The following WRAP53 variants were observed in gnomAD, a reference collection of about 807,000 sequenced individuals.
WRAP53 encodes the protein WD repeat containing antisense to TP53.
WRAP53 carries 28 observed loss-of-function variants against 56.6 expected under a neutral mutation model. That is an observed-to-expected ratio of 0.50 (90% CI 0.37 to 0.68). WRAP53 has a LOEUF of 0.68. Ranked by LOEUF, WRAP53 falls within the 30% of genes least tolerant of loss-of-function variation. The pLI is 0.00. For synonymous variants in WRAP53, 283 were observed against 283.4 expected, an observed-to-expected ratio of 1.00 and a Z score of 0.01; for missense variants, 671 against 715.5, an observed-to-expected ratio of 0.94 and a Z score of 0.71.
rs937718476 is a variant in WRAP53, at chr17:7,689,310, A to G, written c.518A>G (p.Lys173Arg). The change falls in exon 3 of 11, where the codon AAA becomes AGA. Residue 173 changes from lysine (K) to arginine (R), a missense_variant. Physicochemically the swap from Lys to Arg is conservative, Grantham distance 26. This residue lies in a region of WRAP53 where 406 missense variants were observed against 418.5 expected (regional missense o/e 0.97). Transcript: ENST00000396463. Reference sequence around the variant, plus strand: ...AGCACCCAACCTGAGAACTTCTTGAAAGGCTGTAAGTGGTAAGGATAACAA... The same window carrying G: ...AGCACCCAACCTGAGAACTTCTTGAGAGGCTGTAAGTGGTAAGGATAACAA... Reference protein sequence around the residue: ...EFSTQPENFLKGCKWAPDGSC... With the variant: ...EFSTQPENFLRGCKWAPDGSC... The G allele has an allele frequency of 2.5e-6, 4 of 1,613,828 alleles. No individual in the cohort carries two copies. The African/African-American group carries it at 5.3e-5, about 22-fold the overall frequency.
intron 4 of WRAP53, among the ~76,000 whole-genome samples, chr17:7,690,216 G>A (rs974345626): frequency 6.6e-6 from 1 of 152,180 alleles, no homozygotes. Context: ...CCCAAAGTGC[G>A]GGGATCACAG....
intron 4 of WRAP53, among the ~76,000 whole-genome samples, chr17:7,696,030 G>A (rs1265063277): frequency 6.6e-6 from 1 of 152,110 alleles, no homozygotes; most frequent in East Asian, 1.9e-4. Flanking sequence ...TGACGGAAGG[G>A]GAGTGAGGAG....
In WRAP53 at chr17:7,688,976, A is replaced by C; in HGVS notation, c.328A>C (p.Asn110His). 6.2e-7 allele frequency: 1 copy of C among 1,614,180 alleles called. No individual in the cohort carries two copies. The highest frequency in any genetic ancestry group is 1.1e-5 in the South Asian group (1 of 91,084). ...TACAAGCCTTCCTGCAGAAGAAGCA[A>C]ACGGGAGCCTTTCTGAAGAAGAAGC... ...ENTSLPAEEA[N>H]GSLSEEEANG... Residue 110 changes from asparagine (N) to histidine (H), a missense_variant, in exon 2 of 11, where the codon AAC becomes CAC. This residue lies in a region of WRAP53 where 406 missense variants were observed against 418.5 expected (regional missense o/e 0.97). Transcript: ENST00000396463.
chr17:7,698,335 G>A (rs1161503385), intron 4 of WRAP53, among the ~76,000 whole-genome samples: 1 of 152,058 alleles, frequency 6.6e-6, no homozygotes, highest in Non-Finnish European at 1.5e-5. Flanking sequence ...ATATTCATGA[G>A]TAGAGTACTA....
At chr17:7,699,475 TTTATATA>T (rs1567577365) in intron 4 of WRAP53, among the ~76,000 whole-genome samples, 6 of 9,056 alleles carry the variant, frequency 6.6e-4, no homozygotes, top group African/African-American at 3.8e-3. Flanking sequence ...TATATATATA[TTTATATA>T]TATATATATA....
chr17:7,696,368 G>T (rs1203534311), intron 4 of WRAP53, among the ~76,000 whole-genome samples: 1 of 144,534 alleles, frequency 6.9e-6, no homozygotes, highest in Non-Finnish European at 1.5e-5. Context: ...GCGCGATCTG[G>T]GTTCACTGCA....
chr17:7,689,678 G>T lies in WRAP53; in HGVS notation c.619G>T (p.Glu207Ter). 6.2e-7 allele frequency: 1 copy of T among 1,614,120 alleles called. No individual in the cohort carries two copies. The highest frequency in any genetic ancestry group is 8.5e-7 in the Non-Finnish European group (1 of 1,179,968). Residue 207 changes from glutamate (E) to a stop codon, truncating the protein, a stop_gained, in exon 4 of 11, where the codon GAG becomes TAG. Transcript: ENST00000396463. LOFTEE classifies it high-confidence loss of function. ...NLPPELYHEG[E>*]QVEYAEMVPV... is the part of the protein sequence containing the mutation. ...GCCCCCAGAGCTGTACCATGAGGGG[G>T]AGCAGGTGGAATATGCAGAAATGGT... is the stretch of plus-strand genomic sequence containing the variant.
chr17:7,699,502 T>TTATATATATATATATATATATATATTTA (rs1172959796), intron 4 of WRAP53, among the ~76,000 whole-genome samples: 1 of 11,764 alleles, frequency 8.5e-5, no homozygotes, highest in South Asian at 2.7e-3. Context: ...ATATATATAT[T>TTATATATATATATATATATATATATTTA]TATATATATA....
At position 7,702,399 on chromosome 17, in the gene WRAP53, GC is replaced by G; in HGVS notation, c.1015del (p.Leu339SerfsTer73). 6.2e-7 allele frequency: 1 copy of G among 1,614,162 alleles called. No individual in the cohort carries two copies. Among genetic ancestry groups the G allele is most frequent in the Non-Finnish European group, 8.5e-7 (1 of 1,180,028 alleles). ...CCTGCATAGCCTTCAGCCCAGCCCA[GC>G]CCCTCTATGCCTGTGGCTCCTACGG... is the stretch of plus-strand genomic sequence containing the variant. ...ISCIAFSPAQ[P>X]LYACGSYGRS... On this transcript the variant is annotated frameshift_variant, in exon 8 of 11. Transcript: ENST00000396463. LOFTEE classifies it high-confidence loss of function. The surrounding 1 kb of genome is among the most constrained non-coding windows in gnomAD (Gnocchi z 5.0).
In WRAP53 at chr17:7,699,494, ATATATATT is replaced by A. The variant is rs1449356688; in HGVS notation, c.643-1239_643-1232del. 1.7e-3 allele frequency among the ~76,000 whole-genome samples: 20 copies of A among 11,654 alleles called. 2 individuals are homozygous for A. The highest frequency in any genetic ancestry group is 6.1e-3 in the South Asian group (2 of 328). The allele number at this position is 11,654 out of a possible 152,430, so 7.6% of individuals were successfully genotyped here. A position where few individuals can be genotyped will look rare whatever the true frequency, so the allele number is the denominator to read the frequency against. Reference sequence around the variant, plus strand: ...TATATATTTATATATATATATATATATATATATTTATATATATATATATATATTTATAT... The same window carrying A: ...TATATATTTATATATATATATATATATATATATATATATATATATTTATAT... On this transcript the variant is annotated intron_variant, in intron 4 of 10. Transcript: ENST00000396463.
At chr17:7,691,846 T>A (rs2074114803) in intron 4 of WRAP53, among the ~76,000 whole-genome samples, 1 of 150,986 alleles carries the variant, frequency 6.6e-6, no homozygotes, top group Admixed American at 6.6e-5. Context: ...TTTTTTTGTT[T>A]GTTTGTTTGA....
chr17:7,702,044 T>TA lies in WRAP53; in HGVS notation c.955+255_955+256insA, dbSNP rs2074282774. ...TGTCAGCTGTGGAGCTTTTGGTCTCTGAAATCTTTCTAGAAAATTGTTGAT... is the reference window on the plus strand; with the variant it reads ...TGTCAGCTGTGGAGCTTTTGGTCTCTAGAAATCTTTCTAGAAAATTGTTGAT... On this transcript the variant is annotated intron_variant, in intron 7 of 10. Coordinates refer to ENST00000396463, the MANE Select transcript of WRAP53 (RefSeq NM_001143992.2). The surrounding 1 kb of genome is among the most constrained non-coding windows in gnomAD (Gnocchi z 5.0). The TA allele has an allele frequency of 1.4e-6, 1 of 740,360 alleles. No homozygotes were observed. The highest frequency in any genetic ancestry group is 1.7e-5 in the African/African-American group (1 of 57,798). The allele number at this position is 740,360 out of a possible 1,614,324, so 45.9% of individuals were successfully genotyped here.
chr17:7,703,483 A>G lies in WRAP53; in HGVS notation c.1644A>G (p.Ile548Met), dbSNP rs1462713639. The G allele has an allele frequency of 1.2e-6, 2 of 1,607,620 alleles. No individual in the cohort carries two copies. Among genetic ancestry groups the G allele is most frequent in the Admixed American group, 1.7e-5 (1 of 59,700 alleles). The change falls in exon 11 of 11, where the codon ATA (isoleucine) becomes ATG (methionine). Residue 548 changes from isoleucine (I) to methionine (M), a missense_variant. Physicochemically the swap from Ile to Met is conservative, Grantham distance 10. Coordinates refer to ENST00000396463, the MANE Select transcript of WRAP53 (RefSeq NM_001143992.2). Reference sequence around the variant, plus strand: ...CGGAGGGAGGTGTGGGTGAGCTGATATAAAAAGGTTTTTATGATACTAGAG... The same window carrying G: ...CGGAGGGAGGTGTGGGTGAGCTGATGTAAAAAGGTTTTTATGATACTAGAG... ...GGTEGGVGEL[I>M] is the part of the protein sequence containing the mutation.
At chr17:7,699,512 AT>A (rs1567577631) in intron 4 of WRAP53, among the ~76,000 whole-genome samples, 6 of 25,952 alleles carry the variant, frequency 2.3e-4, no homozygotes, top group African/African-American at 9.0e-4. Context: ...TTATATATAT[AT>A]ATATATATTT....
chr17:7,692,042 A>T (rs964189536), intron 4 of WRAP53, among the ~76,000 whole-genome samples: 3 of 150,674 alleles, frequency 2.0e-5, no homozygotes, highest in African/African-American at 7.3e-5. Context: ...GGGGTTCATC[A>T]TATTGGCCAG....
rs748459009 is a variant in WRAP53, at chr17:7,689,714, G to A, written c.642+13G>A. ...ATATGCAGAAATGGTAAGGACTGGG[G>A]CTAACTGCCTCTTCATCAATGCTGC... On this transcript the variant is annotated intron_variant, in intron 4 of 10. Transcript: ENST00000396463. 6.9e-6 allele frequency: 11 copies of A among 1,592,300 alleles called. No individual in the cohort carries two copies. The South Asian group carries it at 9.9e-5, about 14-fold the overall frequency.
rs144233271 is a variant in WRAP53 at position 7,698,734 on chromosome 17, G to A, written c.643-2007G>A. 6.8e-3 allele frequency among the ~76,000 whole-genome samples: 1,032 copies of A among 152,114 alleles called. 8 individuals are homozygous for A. Among genetic ancestry groups the A allele is most frequent in the Admixed American group, 0.012 (178 of 15,244 alleles). On this transcript the variant is annotated intron_variant, in intron 4 of 10. Transcript: ENST00000396463. Reference sequence around the variant, plus strand: ...TACTAAAAATACAAAAAAATTAGCCGGGCGTGATAGCAGGCGCCTGTAATC... The same window carrying A: ...TACTAAAAATACAAAAAAATTAGCCAGGCGTGATAGCAGGCGCCTGTAATC...
chr17:7,694,070 G>C (rs1488902502), intron 4 of WRAP53, among the ~76,000 whole-genome samples: 2 of 152,072 alleles, frequency 1.3e-5, no homozygotes, highest in Non-Finnish European at 2.9e-5. Context: ...ATCACCTAAG[G>C]TCAGGAGTTC....
At position 7,701,340 on chromosome 17, in the gene WRAP53, A is replaced by C. The variant is rs1274467861; in HGVS notation, c.732-119A>C. On this transcript the variant is annotated intron_variant, in intron 5 of 10. Transcript: ENST00000396463. This position sits in a 1 kb window ranked among gnomAD's most constrained non-coding sequence, Gnocchi z 4.2. ...GGCTGGTCTCGAACTCCTGACCTCA[A>C]GTGATCCACCTGCCTTGGCCTCCCA... The C allele has an allele frequency of 1.0e-5, 11 of 1,076,310 alleles. No individual in the cohort carries two copies. The highest frequency in any genetic ancestry group is 1.6e-5 in the Non-Finnish European group (11 of 695,114). 66.7% of individuals were successfully genotyped at this position (1,076,310 alleles called of 1,614,324 possible).
Sources: gnomAD v4.1 joint callset for allele counts (sites outside exome capture counted in the v4.1 genomes callset) on GRCh38, gnomAD v4.1.1 for gene constraint, gnomAD v4.1.1 regional missense constraint, Gnocchi (gnomAD v3.1) non-coding constraint, MANE v1.5 for transcripts, NCBI Gene and HGNC (gene_info 2026-07-23, HGNC 2026-07-21) for gene names.